Variants in ARMC2 observed in about 807,000 individuals in gnomAD.
ARMC2 encodes the protein armadillo repeat containing 2, also known as armadillo repeat-containing protein 2.
In ARMC2, 67 loss-of-function variants were observed where a neutral mutation model predicts 90.3. That is an observed-to-expected ratio of 0.74 (90% CI 0.61 to 0.91). The LOEUF (loss-of-function observed/expected upper bound fraction) is 0.91. Among genes scored for constraint, ARMC2 ranks in the 40% least tolerant of loss-of-function variants. ARMC2 has a pLI of 0.00. For synonymous variants in ARMC2, 393 were observed against 393.0 expected, an observed-to-expected ratio of 1.00 and a Z score of 0.00; for missense variants, 920 against 1,030.9, an observed-to-expected ratio of 0.89 and a Z score of 1.47.
intron 12 of ARMC2, among the ~76,000 whole-genome samples, chr6:108,943,833 A>C (rs1355178313): frequency 6.6e-6 from 1 of 152,126 alleles, no homozygotes; most frequent in Non-Finnish European, 1.5e-5. Flanking sequence ...ACCCTGTCTC[A>C]AAAAAACAAA....
intron 8 of ARMC2, among the ~76,000 whole-genome samples, chr6:108,904,621 C>A: frequency 7.0e-6 from 1 of 143,414 alleles, no homozygotes. Flanking sequence ...AAAAGAAACT[C>A]AACGTTTTTG....
chr6:109,014,588 T>C, the ARMC2 span, among the ~76,000 whole-genome samples: 14 of 152,306 alleles, frequency 9.2e-5, no homozygotes, highest in South Asian at 2.9e-3. Flanking sequence ...GACAGAAAAA[T>C]TTATCTCCCT....
intron 12 of ARMC2, among the ~76,000 whole-genome samples, chr6:108,939,195 G>A (rs1776231640): frequency 6.6e-6 from 1 of 152,058 alleles, no homozygotes; most frequent in South Asian, 2.1e-4. Context: ...TAGACCAATG[G>A]TTATCTGAAA....
intron 12 of ARMC2, among the ~76,000 whole-genome samples, chr6:108,946,275 T>C (rs1354607835): frequency 6.6e-6 from 1 of 152,236 alleles, no homozygotes. Flanking sequence ...ATATCGTGGG[T>C]GCTCAATAAA....
the ARMC2 span, among the ~76,000 whole-genome samples, chr6:108,985,524 G>GAAAC: frequency 6.6e-6 from 1 of 152,178 alleles, no homozygotes; most frequent in African/African-American, 2.4e-5. Context: ...GGAAGGCATT[G>GAAAC]AAACATTAAC....
At chr6:108,861,237 C>A (rs752623951) in intron 3 of ARMC2, among the ~76,000 whole-genome samples, 2 of 152,184 alleles carry the variant, frequency 1.3e-5, no homozygotes, top group Non-Finnish European at 2.9e-5. Context: ...TAGTCAAGCG[C>A]TTCTCAATTT....
intron 17 of ARMC2, among the ~76,000 whole-genome samples, chr6:108,967,996 A>G (rs753918980): frequency 3.3e-5 from 5 of 152,184 alleles, no homozygotes; most frequent in Non-Finnish European, 7.3e-5. Context: ...TTATATAGCA[A>G]TCAGTCATGA....
intron 5 of ARMC2, among the ~76,000 whole-genome samples, chr6:108,889,328 T>C (rs570583540): frequency 6.6e-6 from 1 of 150,734 alleles, no homozygotes; most frequent in African/African-American, 2.5e-5. Context: ...GTATTTTTAG[T>C]AGAGATGGAG....
At chr6:108,960,425 A>G (rs928549506) in intron 13 of ARMC2, among the ~76,000 whole-genome samples, 4 of 152,202 alleles carry the variant, frequency 2.6e-5, no homozygotes, top group Non-Finnish European at 4.4e-5. Flanking sequence ...GGCAGGGACA[A>G]AAACCACTAA....
the ARMC2 span, among the ~76,000 whole-genome samples, chr6:109,047,549 A>C: frequency 7.5e-6 from 1 of 134,006 alleles, no homozygotes; most frequent in East Asian, 2.3e-4. Flanking sequence ...CCCTACTGGG[A>C]AGTGAGGAGC....
intron 17 of ARMC2, among the ~76,000 whole-genome samples, chr6:108,965,776 C>T (rs1583229233): frequency 1.3e-5 from 2 of 151,776 alleles, no homozygotes; most frequent in African/African-American, 4.8e-5. Flanking sequence ...TCTCAAGTAG[C>T]TGGGACTACA....
intron 12 of ARMC2, among the ~76,000 whole-genome samples, chr6:108,951,662 C>G (rs1345257413): frequency 6.6e-6 from 1 of 152,240 alleles, no homozygotes; most frequent in African/African-American, 2.4e-5. Context: ...AAAAGTTGTA[C>G]TCTGCCCCCA....
intron 10 of ARMC2, 110 bp from the exon 11 acceptor site, chr6:108,927,978 T>G (rs1775237991): frequency 8.7e-7 from 1 of 1,155,636 alleles, no homozygotes; most frequent in Non-Finnish European, 1.2e-6. Flanking sequence ...GCGGGAGCTT[T>G]GCTTAGCTAC....
rs1225927277 is a variant in ARMC2, at chr6:108,920,818, A to G, written c.1351-7270A>G. Among the ~76,000 whole-genome samples, 2 of 152,132 alleles carry G rather than the reference A, an allele frequency of 1.3e-5. 1 individual carries two copies. Among genetic ancestry groups the G allele is most frequent in the Non-Finnish European group, 2.9e-5 (2 of 68,034 alleles). On this transcript the variant is annotated intron_variant, in intron 10 of 17. Transcript: ENST00000392644. Reference sequence around the variant, plus strand: ...AACACCTTTGTTCTGATGGCAGCTCACTTCTAAAAGAGGAAGGGAAGAGAG... The same window carrying G: ...AACACCTTTGTTCTGATGGCAGCTCGCTTCTAAAAGAGGAAGGGAAGAGAG...
At chr6:108,902,244 A>G (rs1448281828) in intron 7 of ARMC2, among the ~76,000 whole-genome samples, 5 of 152,270 alleles carry the variant, frequency 3.3e-5, no homozygotes, top group African/African-American at 1.2e-4. Context: ...TTGAAGCTAT[A>G]GAGCATTTAT....
the ARMC2 span, among the ~76,000 whole-genome samples, chr6:109,039,234 G>C: frequency 1.3e-5 from 2 of 152,112 alleles, no homozygotes; most frequent in Non-Finnish European, 2.9e-5. Context: ...AGAGGGTAGG[G>C]AAGACCATGA....
the ARMC2 span, chr6:108,987,692 G>T: frequency 7.9e-6 from 7 of 881,898 alleles, no homozygotes; most frequent in Non-Finnish European, 1.3e-5. Flanking sequence ...CAGTTTTTCA[G>T]TGAATCTAAT....
At chr6:109,020,279 C>T in the ARMC2 span, among the ~76,000 whole-genome samples, 1 of 152,118 alleles carries the variant, frequency 6.6e-6, no homozygotes, top group Middle Eastern at 3.2e-3. Flanking sequence ...AAAATCTTCT[C>T]ACCAACTCTT....
At chr6:108,982,102 T>C in the ARMC2 span, among the ~76,000 whole-genome samples, 1 of 152,232 alleles carries the variant, frequency 6.6e-6, no homozygotes, top group African/African-American at 2.4e-5. Flanking sequence ...GCCATGAATA[T>C]AGGTTTGCAA....
Sources: allele counts gnomAD v4.1 joint callset (sites outside exome capture counted in the v4.1 genomes callset), GRCh38; gene constraint gnomAD v4.1.1; transcripts MANE v1.5; gene names NCBI Gene and HGNC (gene_info 2026-07-23, HGNC 2026-07-21).